Variants in LRRC7 observed in about 807,000 individuals in gnomAD.
LRRC7 encodes leucine-rich repeat-containing protein 7.
A neutral mutation model predicts 175.7 loss-of-function variants in LRRC7; 23 were observed. The ratio of observed to expected loss-of-function variants is 0.13; its 90% CI spans 0.09 to 0.19. The LOEUF (loss-of-function observed/expected upper bound fraction) is 0.19. LRRC7 is among the 10% of genes least tolerant of loss of function. The pLI is 1.00. For synonymous variants in LRRC7, 685 were observed against 680.9 expected (o/e 1.01, Z -0.09); for missense variants, 1,354 against 1,904.7 (o/e 0.71, Z 5.38).
intron 4 of LRRC7, among the ~76,000 whole-genome samples, chr1:69,801,367 T>C (rs1676463140): frequency 6.6e-6 from 1 of 151,572 alleles, no homozygotes; most frequent in Admixed American, 6.6e-5. Context: ...TTTGGGGAGA[T>C]GCCTTATTAC....
intron 7 of LRRC7, among the ~76,000 whole-genome samples, chr1:69,913,068 G>GA (rs1357167949): frequency 1.1e-4 from 16 of 151,822 alleles, no homozygotes; most frequent in African/African-American, 2.9e-4. Flanking sequence ...TATCTAAAAG[G>GA]AAAAAATATT....
chr1:70,076,245 C>CCTCA lies in LRRC7; in HGVS notation c.4399_4400insCTCA (p.Arg1467ProfsTer8). 6.2e-7 allele frequency: 1 copy of CCTCA among 1,614,068 alleles called. No homozygotes were observed. ...GGCCACCCGGGGACCTCAGCCTGGA[C>CCTCA]GGTGCTTAATTCAAACTAAAGGGCA... On this transcript the variant is annotated frameshift_variant, in exon 24 of 27. Transcript: ENST00000651989. LOFTEE classifies it high-confidence loss of function.
chr1:69,640,548 CATAG>C (rs1228657344), intron 1 of LRRC7, among the ~76,000 whole-genome samples: 1 of 150,880 alleles, frequency 6.6e-6, no homozygotes, highest in Non-Finnish European at 1.5e-5. Flanking sequence ...AATCATTAAA[CATAG>C]ATATTTTAAT....
chr1:70,084,007 A>G (rs1464572101), intron 24 of LRRC7, among the ~76,000 whole-genome samples: 1 of 152,110 alleles, frequency 6.6e-6, no homozygotes, highest in Non-Finnish European at 1.5e-5. Flanking sequence ...ATATTACACC[A>G]TTCTTCCTCT....
At position 69,668,469 on chromosome 1, in the gene LRRC7, A is replaced by G. The variant is rs540804918; in HGVS notation, c.3-9912A>G. 5.9e-5 allele frequency among the ~76,000 whole-genome samples: 9 copies of G among 152,304 alleles called. No individual in the cohort carries two copies. In the East Asian group the frequency reaches 1.2e-3, roughly 20 times the overall value. On this transcript the variant is annotated intron_variant, in intron 1 of 26. Transcript: ENST00000651989. ...TTTCATCCATGTCCCTGCAAAGAACATGAACTCATCCCTTTTTATGGAGGC... is the reference window on the plus strand; with the variant it reads ...TTTCATCCATGTCCCTGCAAAGAACGTGAACTCATCCCTTTTTATGGAGGC...
At chr1:69,887,429 A>G (rs1245526474) in intron 7 of LRRC7, among the ~76,000 whole-genome samples, 13 of 142,072 alleles carry the variant, frequency 9.2e-5, no homozygotes, top group South Asian at 2.3e-4. Flanking sequence ...AGGCTTCTGC[A>G]TTCTTCACGT....
chr1:69,896,890 C>T (rs1024021976), intron 7 of LRRC7, among the ~76,000 whole-genome samples: 1 of 152,074 alleles, frequency 6.6e-6, no homozygotes, highest in Non-Finnish European at 1.5e-5. Flanking sequence ...TGCTTCTGCT[C>T]AAAGGTTAGC....
chr1:70,098,497 A>G (rs1664573340), intron 25 of LRRC7, among the ~76,000 whole-genome samples: 1 of 148,034 alleles, frequency 6.8e-6, no homozygotes, highest in Non-Finnish European at 1.5e-5. Context: ...AAATAGAGAC[A>G]CAAAAAACCC....
chr1:69,836,656 C>A (rs1233761893), intron 6 of LRRC7, among the ~76,000 whole-genome samples: 3 of 151,914 alleles, frequency 2.0e-5, no homozygotes, highest in Admixed American at 6.6e-5. Context: ...AACAAGAGGA[C>A]ACTTGAAATT....
intron 4 of LRRC7, among the ~76,000 whole-genome samples, chr1:69,796,130 C>G (rs1233189104): frequency 8.3e-6 from 1 of 120,296 alleles, no homozygotes; most frequent in African/African-American, 3.1e-5. Flanking sequence ...CCCCCCACCC[C>G]TCAACAGTCC....
intron 3 of LRRC7, among the ~76,000 whole-genome samples, chr1:69,780,820 C>A (rs997533209): frequency 6.6e-6 from 1 of 152,160 alleles, no homozygotes; most frequent in African/African-American, 2.4e-5. Context: ...ACTCACTAGA[C>A]AACCATTTCT....
chr1:69,640,661 G>A (rs1231343275), intron 1 of LRRC7, among the ~76,000 whole-genome samples: 1 of 148,082 alleles, frequency 6.8e-6, no homozygotes, highest in Non-Finnish European at 1.5e-5. Flanking sequence ...TTCTAACTTT[G>A]GTAAATAAAG....
chr1:69,709,523 A>C (rs1485123679), intron 2 of LRRC7, among the ~76,000 whole-genome samples: 6 of 152,206 alleles, frequency 3.9e-5, no homozygotes, highest in Non-Finnish European at 2.9e-5. Context: ...TGATGACAAG[A>C]GTCTTCTCTA....
chr1:69,994,416 G>A (rs1654737058), intron 10 of LRRC7, 145 bp from the exon 11 acceptor site: 8 of 644,794 alleles, frequency 1.2e-5, no homozygotes, highest in East Asian at 2.8e-5. Context: ...ACACACAAAC[G>A]TCAGTTTTAT....
chr1:70,033,143 G>C (rs371819916), intron 18 of LRRC7, among the ~76,000 whole-genome samples: 1 of 152,192 alleles, frequency 6.6e-6, no homozygotes. Flanking sequence ...TCTCAGGATA[G>C]ACAATACAGC....
intron 17 of LRRC7, among the ~76,000 whole-genome samples, chr1:70,027,233 T>A (rs116154438): frequency 1.3e-5 from 2 of 152,130 alleles, no homozygotes; most frequent in African/African-American, 4.8e-5. Flanking sequence ...AAGTAAATCC[T>A]TTTTTTCCCA....
At chr1:69,936,457 C>G (rs1648035545) in intron 8 of LRRC7, among the ~76,000 whole-genome samples, 1 of 152,096 alleles carries the variant, frequency 6.6e-6, no homozygotes, top group Non-Finnish European at 1.5e-5. Flanking sequence ...AAAGATTTCA[C>G]ACATTTTTAA....
intron 7 of LRRC7, among the ~76,000 whole-genome samples, chr1:69,918,475 A>G (rs1646785362): frequency 1.3e-5 from 2 of 152,166 alleles, no homozygotes; most frequent in Admixed American, 1.3e-4. Flanking sequence ...GTTCATCTAA[A>G]AGGAACATTT....
At chr1:69,652,245 A>G (rs1315905453) in intron 1 of LRRC7, among the ~76,000 whole-genome samples, 2 of 67,650 alleles carry the variant, frequency 3.0e-5, no homozygotes, top group Admixed American at 2.9e-4. Flanking sequence ...TTATACGTAG[A>G]AAACCCTATT....
Sources: allele counts gnomAD v4.1 joint callset (sites outside exome capture counted in the v4.1 genomes callset), GRCh38; gene constraint gnomAD v4.1.1; transcripts MANE v1.5; gene names NCBI Gene and HGNC (gene_info 2026-07-23, HGNC 2026-07-21).